The following CAPN11 variants were observed in gnomAD, a reference collection of about 807,000 sequenced individuals.
CAPN11 encodes the protein calpain-11.
In CAPN11, 108 loss-of-function variants were observed where a neutral mutation model predicts 105.3. The ratio of observed to expected loss-of-function variants is 1.03; its 90% CI spans 0.88 to 1.20. The LOEUF (loss-of-function observed/expected upper bound fraction) is 1.20, where lower values mean the gene tolerates loss of function less well. CAPN11 is among the 50% of genes most tolerant of loss of function. CAPN11 has a pLI of 0.00. For missense variants in CAPN11, 883 were observed against 924.8 expected (o/e 0.95, Z 0.59); for synonymous variants, 329 against 344.5 (o/e 0.96, Z 0.50).
Position 44,177,405 on chromosome 6 carries a change from C to T in CAPN11, c.1401C>T (p.Gly467=), listed in dbSNP as rs1772256554. The T allele has an allele frequency of 3.1e-6, 5 of 1,612,764 alleles. No homozygotes were observed. The South Asian group carries it at 3.3e-5, about 11-fold the overall frequency. Residue 467 remains glycine (G), a synonymous_variant, in exon 12 of 23, where the codon GGC becomes GGT. Transcript: ENST00000398776. The part of the protein sequence containing the change: ...RQQGAQLQTI[G]FVLYAVPKEF... ...AGGGAGCCCAGCTGCAGACCATTGG[C>T]TTTGTCCTCTACGCGGTGGGTGCCT...
At chr6:44,172,754 T>C (rs1771225203) in intron 5 of CAPN11, among the ~76,000 whole-genome samples, 186 bp from the exon 6 acceptor site, 2 of 152,186 alleles carry the variant, frequency 1.3e-5, no homozygotes, top group African/African-American at 2.4e-5. Context: ...CAAATTCCCC[T>C]CTGGAGACCG....
At chr6:44,177,718 C>G (rs1772361968) in intron 12 of CAPN11, 1 of 281,928 alleles carries the variant, frequency 3.5e-6, no homozygotes, top group Non-Finnish European at 6.8e-6. Context: ...AACTCATGAC[C>G]TCAGGTAATC....
At chr6:44,180,834 C>A in intron 17 of CAPN11, 29 bp downstream of exon 17, 7 of 1,611,112 alleles carry the variant, frequency 4.3e-6, no homozygotes, top group Non-Finnish European at 5.9e-6. Context: ...CTGCACACGA[C>A]CCCTCCCCCA....
Position 44,183,995 on chromosome 6 carries a change from G to T in CAPN11, c.*63G>T. The T allele has an allele frequency of 6.5e-7, 1 of 1,537,184 alleles. No individual in the cohort carries two copies. Among genetic ancestry groups the T allele is most frequent in the South Asian group, 1.2e-5 (1 of 83,678 alleles). On this transcript the variant is annotated 3_prime_UTR_variant, in exon 23 of 23. Transcript: ENST00000398776. ...GCAGCAGCGAGGTTCTAGCCCAGGA[G>T]GGTGGGGTGCTTCTTGTAGCCCTCA...
chr6:44,179,915 C>A, intron 13 of CAPN11, 37 bp from the exon 14 acceptor site: 1 of 1,521,706 alleles, frequency 6.6e-7, no homozygotes, highest in South Asian at 1.1e-5. Flanking sequence ...CCTAACCTCC[C>A]ATGCCAGTCC....
At chr6:44,175,073 T>G (rs73429788) in intron 7 of CAPN11, among the ~76,000 whole-genome samples, 1 of 152,128 alleles carries the variant, frequency 6.6e-6, no homozygotes, top group South Asian at 2.1e-4. Context: ...TTCTATATCT[T>G]GACAGTGGTG....
chr6:44,169,225 T>G, intron 2 of CAPN11, 56 bp from the exon 3 acceptor site: 2 of 1,519,208 alleles, frequency 1.3e-6, no homozygotes, highest in Non-Finnish European at 1.8e-6. Flanking sequence ...TGAACCACTG[T>G]GCCCAGCTTA....
intron 1 of CAPN11, among the ~76,000 whole-genome samples, chr6:44,165,499 C>T (rs1007891599): frequency 1.3e-5 from 2 of 152,168 alleles, no homozygotes; most frequent in Admixed American, 6.5e-5. Flanking sequence ...CAGCCCCTAT[C>T]GCGGGCTGTG....
At chr6:44,182,364 A>C (rs1369751348) in intron 19 of CAPN11, among the ~76,000 whole-genome samples, 1 of 152,156 alleles carries the variant, frequency 6.6e-6, no homozygotes, top group Non-Finnish European at 1.5e-5. Context: ...GGTCTGTTGG[A>C]GTGTGGCATA....
intron 1 of CAPN11, among the ~76,000 whole-genome samples, chr6:44,166,138 A>T (rs1382018674): frequency 1.3e-5 from 2 of 152,100 alleles, no homozygotes; most frequent in East Asian, 3.9e-4. Context: ...ACTCGTGTGG[A>T]ACAGGAGAAG....
At chr6:44,176,408 T>C in intron 9 of CAPN11, 70 bp downstream of exon 9, 1 of 1,430,302 alleles carries the variant, frequency 7.0e-7, no homozygotes, top group East Asian at 2.3e-5. Context: ...GACCGACTGG[T>C]GTCCCATCTA....
chr6:44,180,253 C>T lies in CAPN11; in HGVS notation c.1640+90C>T, dbSNP rs1772902803. 3 of 1,035,934 alleles carry T rather than the reference C, an allele frequency of 2.9e-6. No individual in the cohort carries two copies. The South Asian group carries it at 4.4e-5, about 15-fold the overall frequency. The allele number at this position is 1,035,934 out of a possible 1,614,324, so 64.2% of individuals were successfully genotyped here. On this transcript the variant is annotated intron_variant, in intron 14 of 22. Coordinates refer to ENST00000398776, the MANE Select transcript of CAPN11 (RefSeq NM_007058.4). ...GGAGCTGCTGTCGGGTCCTCCCTCA[C>T]TTTGTCCCTATTTTACAGTCAGGGA... is the stretch of plus-strand genomic sequence containing the variant.
rs376701678 is a variant in CAPN11 at position 44,169,328 on chromosome 6, C to T, written c.136C>T (p.Arg46Trp). The T allele has an allele frequency of 9.9e-6, 16 of 1,613,636 alleles. No individual in the cohort carries two copies. In the African/African-American group the frequency reaches 1.5e-4, roughly 15 times the overall value. The change falls in exon 3 of 23, where the codon CGG (arginine) becomes TGG (tryptophan). Residue 46 changes from arginine (R) to tryptophan (W), a missense_variant. Arg to Trp is a moderately radical substitution (Grantham distance 101). Coordinates refer to ENST00000398776, the MANE Select transcript of CAPN11 (RefSeq NM_007058.4). ...TGMVAHINNS[R>W]LKAKGVGQHD... is the part of the protein sequence containing the mutation. The stretch of plus-strand genomic sequence containing the variant: ...AATGGTGGCTCACATAAACAACAGC[C>T]GGCTCAAGGCCAAGGGCGTGGGCCA...
At position 44,180,758 on chromosome 6, in the gene CAPN11, T is replaced by G; in HGVS notation, c.1757T>G (p.Ile586Arg). The change falls in exon 17 of 23, where the codon ATA becomes AGA. Residue 586 changes from isoleucine (I) to arginine (R), a missense_variant. By Grantham distance (97) the Ile-to-Arg change is moderately conservative. Transcript: ENST00000398776. ...FKIVAGEGKE[I>R]GVYELQRLLN... is the part of the protein sequence containing the mutation. ...AGTTCCCCTTCCTAGGGCAAGGAGA[T>G]AGGGGTGTATGAGCTCCAGAGGCTG... is the stretch of plus-strand genomic sequence containing the variant. The G allele has an allele frequency of 6.2e-7, 1 of 1,613,592 alleles. No homozygotes were observed.
chr6:44,178,317 C>T (rs1169994246), intron 12 of CAPN11, among the ~76,000 whole-genome samples: 3 of 152,144 alleles, frequency 2.0e-5, no homozygotes, highest in African/African-American at 4.8e-5. Flanking sequence ...CCACACGCCC[C>T]GCCCGACAAT....
intron 12 of CAPN11, 55 bp downstream of exon 12, chr6:44,177,475 C>CCTAT (rs1561849882): frequency 8.1e-7 from 1 of 1,238,988 alleles, no homozygotes. Context: ...TGACCTCACT[C>CCTAT]CTTTCTTTCT....
In CAPN11 at chr6:44,182,982, G is replaced by T; in HGVS notation, c.1980G>T (p.Leu660Phe). 3 of 1,611,970 alleles carry T rather than the reference G, an allele frequency of 1.9e-6. No homozygotes were observed. The highest frequency in any genetic ancestry group is 2.5e-6 in the Non-Finnish European group (3 of 1,178,936). ...GTGACCAGGACCATTCAGGCACCTT[G>T]AACTCCTATGAGATGCGCCTGGTTA... ...RECDQDHSGT[L>F]NSYEMRLVIE... Residue 660 changes from leucine to phenylalanine, a missense_variant, in exon 20 of 23, where the codon TTG becomes TTT. Transcript: ENST00000398776.
chr6:44,171,909 T>G (rs1456335760), intron 4 of CAPN11, among the ~76,000 whole-genome samples: 1 of 152,064 alleles, frequency 6.6e-6, no homozygotes. Context: ...CTACTAAATA[T>G]GCAAAAATTA....
At chr6:44,166,999 C>G (rs1039527984) in intron 2 of CAPN11, among the ~76,000 whole-genome samples, 170 bp downstream of exon 2, 4 of 152,080 alleles carry the variant, frequency 2.6e-5, no homozygotes, top group Non-Finnish European at 5.9e-5. Context: ...AGTTTGCAGT[C>G]CCCCTGGGGG....
Sources: allele counts gnomAD v4.1 joint callset (sites outside exome capture counted in the v4.1 genomes callset), GRCh38; gene constraint gnomAD v4.1.1; transcripts MANE v1.5; gene names NCBI Gene and HGNC (gene_info 2026-07-23, HGNC 2026-07-21).